GPT2: variants seen among roughly 807,000 people sequenced by gnomAD.
GPT2 encodes alanine aminotransferase 2.
GPT2 carries 30 observed loss-of-function variants against 56.9 expected under a neutral mutation model. The observed-to-expected ratio is 0.53, with a 90% CI of 0.39 to 0.72. GPT2 has a LOEUF of 0.72. Among genes scored for constraint, GPT2 ranks in the 30% least tolerant of loss-of-function variants. The pLI, the probability that GPT2 is intolerant of heterozygous loss-of-function variation, is 0.00. For missense variants in GPT2, 542 were observed against 703.4 expected (o/e 0.77, Z 2.60); for synonymous variants, 271 against 283.1 (o/e 0.96, Z 0.43).
chr16:46,924,102 GT>G, intron 9 of GPT2: 1 of 439,124 alleles, frequency 2.3e-6, no homozygotes, highest in Non-Finnish European at 4.3e-6. Flanking sequence ...CCACCTCCCT[GT>G]TTTGCTGTGC....
intron 6 of GPT2, chr16:46,915,447 CAG>C (rs1280926556): frequency 6.7e-6 from 1 of 150,278 alleles, no homozygotes; most frequent in African/African-American, 2.5e-5. Context: ...ACACCAAATA[CAG>C]ACACACACAC....
chr16:46,922,244 G>A lies in GPT2; in HGVS notation c.1040G>A (p.Cys347Tyr), dbSNP rs1484862372. 6.2e-7 allele frequency: 1 copy of A among 1,613,588 alleles called. No homozygotes were observed. The highest frequency in any genetic ancestry group is 8.5e-7 in the Non-Finnish European group (1 of 1,179,840). Residue 347 changes from cysteine to tyrosine, a missense_variant and splice_region_variant, in exon 9 of 12, where the codon TGT becomes TAT. Physicochemically the swap from Cys to Tyr is radical, Grantham distance 194. Transcript: ENST00000340124. The part of the protein sequence containing the change: ...HSTSKGYMGE[C>Y]GYRGGYMEVI... The stretch of plus-strand genomic sequence containing the variant: ...TCTCCCTCTCTTTGGCCCTCCAGGT[G>A]TGGTTACAGAGGAGGCTACATGGAG...
chr16:46,884,919 C>T lies in GPT2; in HGVS notation c.204C>T (p.Ile68=), dbSNP rs1166074123. 3.9e-6 allele frequency: 6 copies of T among 1,538,084 alleles called. No individual in the cohort carries two copies. Among genetic ancestry groups the T allele is most frequent in the East Asian group, 2.5e-5 (1 of 40,024 alleles). ...KAVEYAVRGP[I]VLKAGEIELE... ...TGGAGTACGCCGTGCGGGGACCCAT[C>T]GTGCTCAAGGCCGGCGAGATCGAGC... is the stretch of plus-strand genomic sequence containing the variant. Residue 68 remains isoleucine, a synonymous_variant, in exon 2 of 12, where the codon ATC becomes ATT. Coordinates refer to ENST00000340124, the MANE Select transcript of GPT2 (RefSeq NM_133443.4).
chr16:46,913,744 A>G (rs899460836), intron 6 of GPT2, among the ~76,000 whole-genome samples: 1 of 152,040 alleles, frequency 6.6e-6, no homozygotes, highest in Non-Finnish European at 1.5e-5. Flanking sequence ...TGTTTTGCAT[A>G]TATATATATG....
intron 8 of GPT2, among the ~76,000 whole-genome samples, chr16:46,920,055 T>G (rs1182282290): frequency 7.2e-5 from 11 of 152,120 alleles, no homozygotes; most frequent in African/African-American, 2.7e-4. Context: ...AAAAAATGTT[T>G]TAAAACTCAG....
intron 4 of GPT2, among the ~76,000 whole-genome samples, chr16:46,901,653 C>G (rs1480141623): frequency 6.6e-6 from 1 of 152,226 alleles, no homozygotes; most frequent in Non-Finnish European, 1.5e-5. Flanking sequence ...GGGACAGATT[C>G]CCGTGGCTTG....
At chr16:46,923,074 C>T (rs1961326336) in intron 9 of GPT2, among the ~76,000 whole-genome samples, 1 of 152,174 alleles carries the variant, frequency 6.6e-6, no homozygotes, top group East Asian at 1.9e-4. Flanking sequence ...ACCTGTTACC[C>T]ACTAACACCC....
At chr16:46,891,984 T>C (rs974888076) in intron 2 of GPT2, among the ~76,000 whole-genome samples, 67 of 148,188 alleles carry the variant, frequency 4.5e-4, no homozygotes, top group Non-Finnish European at 9.0e-4. Context: ...GTTTTTAAAA[T>C]TTTTTAGCTC....
intron 6 of GPT2, among the ~76,000 whole-genome samples, chr16:46,912,601 G>C (rs1961066735): frequency 6.6e-6 from 1 of 152,234 alleles, no homozygotes; most frequent in South Asian, 2.1e-4. Context: ...TAAGAAAAGA[G>C]GCTTGATTGG....
At chr16:46,884,632 G>T in intron 1 of GPT2, 62 bp from the exon 2 acceptor site, 2 of 1,315,656 alleles carry the variant, frequency 1.5e-6, no homozygotes, top group Non-Finnish European at 1.9e-6. Context: ...GGCTTGTGTG[G>T]GGGAGTGCTG....
chr16:46,886,878 G>A (rs1018456900), intron 2 of GPT2, among the ~76,000 whole-genome samples: 2 of 152,156 alleles, frequency 1.3e-5, no homozygotes, highest in Non-Finnish European at 2.9e-5. Flanking sequence ...TCCTGAGTTA[G>A]TTGAGTTTTT....
intron 2 of GPT2, among the ~76,000 whole-genome samples, chr16:46,886,180 T>A (rs1050957625): frequency 6.6e-6 from 1 of 152,210 alleles, no homozygotes; most frequent in Middle Eastern, 3.2e-3. Flanking sequence ...AGGCTGGCTT[T>A]GTTTCTGTGC....
At chr16:46,895,806 T>TA (rs1960674859) in intron 2 of GPT2, among the ~76,000 whole-genome samples, 1 of 152,236 alleles carries the variant, frequency 6.6e-6, no homozygotes, top group Non-Finnish European at 1.5e-5. Flanking sequence ...GTGCTGGAAT[T>TA]ACAGGTGTGA....
At chr16:46,922,553 T>G in intron 9 of GPT2, 137 bp downstream of exon 9, 6 of 762,210 alleles carry the variant, frequency 7.9e-6, no homozygotes, top group Non-Finnish European at 1.2e-5. Context: ...TCATGGCTCT[T>G]CAGAGCCTGA....
chr16:46,914,676 AT>A (rs1204579539), intron 6 of GPT2, among the ~76,000 whole-genome samples: 1 of 152,204 alleles, frequency 6.6e-6, no homozygotes, highest in Non-Finnish European at 1.5e-5. Flanking sequence ...TTCACTTAGC[AT>A]TTATTCTGCA....
chr16:46,904,343 C>G (rs942114777), intron 4 of GPT2, among the ~76,000 whole-genome samples: 2 of 152,182 alleles, frequency 1.3e-5, no homozygotes, highest in African/African-American at 4.8e-5. Context: ...CCCAGGAGTT[C>G]AAGGCTGCAG....
chr16:46,911,048 G>C (rs1961038235), intron 6 of GPT2, among the ~76,000 whole-genome samples: 1 of 152,140 alleles, frequency 6.6e-6, no homozygotes, highest in African/African-American at 2.4e-5. Flanking sequence ...AACTGGATTT[G>C]AGAATGCTGG....
chr16:46,885,285 A>C, intron 2 of GPT2: 1 of 1,038,838 alleles, frequency 9.6e-7, no homozygotes, highest in Non-Finnish European at 1.2e-6. Context: ...ACATAAGCGA[A>C]TGAAGAAAGA....
rs550920643 is a variant in GPT2 at position 46,917,021 on chromosome 16, T to G, written c.900+314T>G. The stretch of plus-strand genomic sequence containing the variant: ...GATCCAGGGGCTTGGACCTTATCTT[T>G]CAGGTCCTCTTTCCCTTTTCTACCC... On this transcript the variant is annotated intron_variant, in intron 7 of 11. Transcript: ENST00000340124. Among the ~76,000 whole-genome samples, 186 of 152,262 alleles carry G rather than the reference T, an allele frequency of 1.2e-3. 1 individual carries two copies. The highest frequency in any genetic ancestry group is 2.0e-3 in the Non-Finnish European group (139 of 68,004).
Sources: allele counts gnomAD v4.1 joint callset (sites outside exome capture counted in the v4.1 genomes callset), GRCh38; gene constraint gnomAD v4.1.1; transcripts MANE v1.5; gene names NCBI Gene and HGNC (gene_info 2026-07-23, HGNC 2026-07-21).